The following TIAM1 variants were observed in gnomAD, a reference collection of about 807,000 sequenced individuals.
The protein encoded by TIAM1 is rho guanine nucleotide exchange factor TIAM1.
TIAM1 carries 65 observed loss-of-function variants against 163.5 expected under a neutral mutation model. The ratio of observed to expected loss-of-function variants is 0.40; its 90% confidence interval spans 0.33 to 0.49. The LOEUF is 0.49. Ranked by LOEUF, TIAM1 falls within the 20% of genes least tolerant of loss-of-function variation. The pLI, the probability that TIAM1 is intolerant of heterozygous loss-of-function variation, is 0.77. For missense variants in TIAM1, 1,789 were observed against 2,044.7 expected (o/e 0.87, Z 2.41); for synonymous variants, 833 against 810.1 (o/e 1.03, Z -0.48).
chr21:31,328,046 C>A (rs2075553514), intron 2 of TIAM1, among the ~76,000 whole-genome samples: 1 of 152,092 alleles, frequency 6.6e-6, no homozygotes, highest in African/African-American at 2.4e-5. Flanking sequence ...CCAGCCCAGC[C>A]CTCTGCCCTC....
At chr21:31,467,550 C>T (rs1489000282) in intron 1 of TIAM1, among the ~76,000 whole-genome samples, 1 of 151,306 alleles carries the variant, frequency 6.6e-6, no homozygotes, top group African/African-American at 2.4e-5. Flanking sequence ...CCTTTGAACC[C>T]AGGAGGCAGA....
chr21:31,182,799 G>A (rs1473500013), intron 14 of TIAM1, among the ~76,000 whole-genome samples, 154 bp from the exon 15 acceptor site: 1 of 152,266 alleles, frequency 6.6e-6, no homozygotes, highest in Non-Finnish European at 1.5e-5. Context: ...ATCCTCAGGA[G>A]AGGACAGGGG....
intron 2 of TIAM1, among the ~76,000 whole-genome samples, 179 bp downstream of exon 2, chr21:31,339,064 T>C (rs2075941007): frequency 6.6e-6 from 1 of 152,140 alleles, no homozygotes; most frequent in African/African-American, 2.4e-5. Flanking sequence ...AGGAAACCCA[T>C]TTCAAAGCCT....
chr21:31,350,917 G>A (rs2076223750), intron 2 of TIAM1, among the ~76,000 whole-genome samples: 1 of 152,210 alleles, frequency 6.6e-6, no homozygotes, highest in Admixed American at 6.5e-5. Flanking sequence ...ACACCTTACA[G>A]AGTTTTGTAC....
intron 2 of TIAM1, among the ~76,000 whole-genome samples, chr21:31,427,526 T>G (rs1602253328): frequency 6.6e-6 from 1 of 151,408 alleles, no homozygotes; most frequent in South Asian, 2.1e-4. Context: ...TTAAAAAAGA[T>G]TAAAGATCAC....
At chr21:31,415,800 C>T (rs1405986014) in intron 2 of TIAM1, among the ~76,000 whole-genome samples, 1 of 152,084 alleles carries the variant, frequency 6.6e-6, no homozygotes, top group Non-Finnish European at 1.5e-5. Context: ...CAAAACTGGC[C>T]TCTCATTCAT....
In TIAM1 at chr21:31,486,273, C is replaced by T. The variant is rs565435321; in HGVS notation, c.-421-22238G>A. Reference sequence around the variant, plus strand: ...GATCATCCTGGGGAAAAAATGAAAACGCTCGCCCTCTGACAGCCAGTCAGT... The same window carrying T: ...GATCATCCTGGGGAAAAAATGAAAATGCTCGCCCTCTGACAGCCAGTCAGT... On this transcript the variant is annotated intron_variant, in intron 1 of 28. Transcript: ENST00000286827. 6.6e-5 allele frequency among the ~76,000 whole-genome samples: 10 copies of T among 152,310 alleles called. No individual in the cohort carries two copies. The South Asian group carries it at 1.2e-3, about 19-fold the overall frequency.
intron 15 of TIAM1, among the ~76,000 whole-genome samples, chr21:31,179,393 A>C (rs2084911303): frequency 6.6e-6 from 1 of 152,140 alleles, no homozygotes; most frequent in South Asian, 2.1e-4. Flanking sequence ...GTTTCAAAAA[A>C]AAAAGATAAA....
At chr21:31,121,624 T>C (rs777897806) in intron 27 of TIAM1, among the ~76,000 whole-genome samples, 1 of 152,122 alleles carries the variant, frequency 6.6e-6, no homozygotes, top group Non-Finnish European at 1.5e-5. Context: ...CTCATTCTTC[T>C]CCAAAGCAAT....
intron 23 of TIAM1, among the ~76,000 whole-genome samples, chr21:31,135,329 C>G (rs901166544): frequency 6.6e-6 from 1 of 152,192 alleles, no homozygotes; most frequent in Non-Finnish European, 1.5e-5. Context: ...CTAATTGCAG[C>G]AACTGCATCC....
chr21:31,471,331 C>T (rs1307572782), intron 1 of TIAM1, among the ~76,000 whole-genome samples: 1 of 152,168 alleles, frequency 6.6e-6, no homozygotes, highest in Non-Finnish European at 1.5e-5. Context: ...GGCTCGGTTC[C>T]CCCCTTTACC....
At chr21:31,351,549 C>G (rs1478457371) in intron 2 of TIAM1, among the ~76,000 whole-genome samples, 6 of 152,096 alleles carry the variant, frequency 3.9e-5, no homozygotes. Flanking sequence ...GACAAGCAAG[C>G]AAGGGGCCCA....
At chr21:31,523,905 C>A in intron 1 of TIAM1, among the ~76,000 whole-genome samples, 1 of 143,496 alleles carries the variant, frequency 7.0e-6, no homozygotes, top group African/African-American at 2.6e-5. Context: ...GTGACAGAGC[C>A]AGATTCCATC....
At chr21:31,171,144 T>TA (rs1353906868) in intron 15 of TIAM1, among the ~76,000 whole-genome samples, 1 of 151,426 alleles carries the variant, frequency 6.6e-6, no homozygotes, top group Non-Finnish European at 1.5e-5. Flanking sequence ...GAATATTTGA[T>TA]AAATGATGCT....
rs564035834 is a variant in TIAM1 at position 31,411,301 on chromosome 21, A to G, written c.-369+52682T>C. ...AAATACAGGGGATGTCCTAGATTTC[A>G]CTGTCTGGATAAAGGTGACTACAGA... On this transcript the variant is annotated intron_variant, in intron 2 of 28. Transcript: ENST00000286827. Among the ~76,000 whole-genome samples, 22 of 152,272 alleles carry G rather than the reference A, an allele frequency of 1.4e-4. No individual in the cohort carries two copies. In the South Asian group the frequency reaches 4.6e-3, roughly 32 times the overall value.
intron 2 of TIAM1, among the ~76,000 whole-genome samples, chr21:31,305,348 T>A (rs1474832416): frequency 6.6e-6 from 1 of 151,342 alleles, no homozygotes; most frequent in Non-Finnish European, 1.5e-5. Context: ...AAAGGCTGGA[T>A]CTCAGGACTC....
chr21:31,189,670 G>C (rs1423480858), intron 13 of TIAM1, among the ~76,000 whole-genome samples: 1 of 152,024 alleles, frequency 6.6e-6, no homozygotes, highest in Non-Finnish European at 1.5e-5. Context: ...TCAAACAGGA[G>C]CCCCTTTCAC....
chr21:31,420,478 C>A (rs1213743401), intron 2 of TIAM1, among the ~76,000 whole-genome samples: 1 of 152,194 alleles, frequency 6.6e-6, no homozygotes, highest in Admixed American at 6.5e-5. Flanking sequence ...TTCCAGTATC[C>A]CAGACCCTAA....
chr21:31,409,839 A>G (rs2077314949), intron 2 of TIAM1, among the ~76,000 whole-genome samples: 1 of 151,872 alleles, frequency 6.6e-6, no homozygotes, highest in South Asian at 2.1e-4. Flanking sequence ...CCCTGTCCCC[A>G]AAAGCAATGA....
Sources: gnomAD v4.1 joint callset for allele counts (sites outside exome capture counted in the v4.1 genomes callset) on GRCh38, gnomAD v4.1.1 for gene constraint, MANE v1.5 for transcripts, NCBI Gene and HGNC (gene_info 2026-07-23, HGNC 2026-07-21) for gene names.